The following CLASP2 variants were observed in gnomAD, a reference collection of about 807,000 sequenced individuals.
CLASP2 encodes cytoplasmic linker associated protein 2.
CLASP2 carries 47 observed loss-of-function variants against 194.4 expected under a neutral mutation model. The ratio of observed to expected loss-of-function variants is 0.24; its 90% CI spans 0.19 to 0.31. The LOEUF (loss-of-function observed/expected upper bound fraction) is 0.31. Ranked by LOEUF, CLASP2 falls within the 10% of genes least tolerant of loss-of-function variation. CLASP2 has a pLI of 1.00. For synonymous variants in CLASP2, 619 were observed against 633.5 expected, an observed-to-expected ratio of 0.98 and a Z score of 0.34; for missense variants, 1,445 against 1,823.6, an observed-to-expected ratio of 0.79 and a Z score of 3.78.
chr3:33,570,599 T>G, intron 26 of CLASP2, 128 bp downstream of exon 26: 1 of 1,187,352 alleles, frequency 8.4e-7, no homozygotes, highest in South Asian at 1.4e-5. Context: ...CCAAACAATT[T>G]TAATTATGCT....
chr3:33,510,614 C>A lies in CLASP2; in HGVS notation c.4261G>T (p.Val1421Leu). ...AGCAGGTTTAGGGTTTCCTTGGACA[C>A]TCTCTCTATCACTTTTGTTTGCATT... ...IKMQTKVIER[V>L]SKETLNLLLP... Residue 1421 changes from valine (V) to leucine (L), a missense_variant, in exon 37 of 39, where the codon GTG (valine) becomes TTG (leucine). Around this residue, in one of 4 missense-constraint regions of CLASP2, gnomAD observed 732 missense variants for 987.9 expected, o/e 0.74. Transcript: ENST00000682230. The A allele has an allele frequency of 6.2e-7, 1 of 1,613,916 alleles. No homozygotes were observed.
chr3:33,649,754 A>C (rs2082877269), intron 7 of CLASP2, among the ~76,000 whole-genome samples: 1 of 152,150 alleles, frequency 6.6e-6, no homozygotes, highest in Non-Finnish European at 1.5e-5. Flanking sequence ...AATCATAAGT[A>C]AGATCTTATT....
chr3:33,586,973 T>C (rs909954553), intron 21 of CLASP2, among the ~76,000 whole-genome samples: 1 of 152,158 alleles, frequency 6.6e-6, no homozygotes, highest in Non-Finnish European at 1.5e-5. Flanking sequence ...TCTAGCCACC[T>C]TTGTCTTGAG....
chr3:33,664,800 C>T (rs975038589), intron 6 of CLASP2, among the ~76,000 whole-genome samples: 3 of 152,084 alleles, frequency 2.0e-5, no homozygotes. Flanking sequence ...GAATTGGAGG[C>T]TGGAACCTCA....
intron 6 of CLASP2, among the ~76,000 whole-genome samples, chr3:33,674,863 T>C (rs1266582655): frequency 6.6e-6 from 1 of 152,080 alleles, no homozygotes; most frequent in Non-Finnish European, 1.5e-5. Context: ...CCTGGACACA[T>C]ACACCCTCCC....
At chr3:33,610,962 A>G (rs1434964993) in intron 13 of CLASP2, among the ~76,000 whole-genome samples, 1 of 152,202 alleles carries the variant, frequency 6.6e-6, no homozygotes, top group African/African-American at 2.4e-5. Flanking sequence ...CAAATGTACA[A>G]ATCTTGTTTT....
intron 6 of CLASP2, among the ~76,000 whole-genome samples, chr3:33,675,443 A>T (rs916123109): frequency 6.6e-6 from 1 of 151,180 alleles, no homozygotes; most frequent in Non-Finnish European, 1.5e-5. Flanking sequence ...ATCTCAAAAT[A>T]ATAAGAGCTA....
chr3:33,663,560 T>C lies in CLASP2; in HGVS notation c.645-45A>G, dbSNP rs1277996249. 4 of 1,339,950 alleles carry C rather than the reference T, an allele frequency of 3.0e-6. No homozygotes were observed. The African/African-American group carries it at 4.3e-5, about 15-fold the overall frequency. 83.0% of individuals were successfully genotyped at this position (1,339,950 alleles called of 1,614,324 possible). On this transcript the variant is annotated intron_variant, in intron 6 of 38. Transcript: ENST00000682230. ...TGGGTTTGTTTGATTTTTTAAAACA[T>C]ATAGATTAAATAGAAACAATTTCCT...
intron 6 of CLASP2, among the ~76,000 whole-genome samples, chr3:33,663,835 CATA>C (rs1217299428): frequency 6.6e-6 from 1 of 152,096 alleles, no homozygotes; most frequent in Non-Finnish European, 1.5e-5. Flanking sequence ...GTTTCAACCT[CATA>C]ATAAGTCTAC....
intron 36 of CLASP2, among the ~76,000 whole-genome samples, chr3:33,514,151 C>A (rs147469230): frequency 1.3e-5 from 2 of 152,040 alleles, no homozygotes; most frequent in Middle Eastern, 3.2e-3. Flanking sequence ...TGACACCTGG[C>A]TAATTTTTGT....
At chr3:33,543,901 G>C (rs973863800) in intron 31 of CLASP2, among the ~76,000 whole-genome samples, 1 of 151,986 alleles carries the variant, frequency 6.6e-6, no homozygotes, top group Non-Finnish European at 1.5e-5. Flanking sequence ...TTTACACCAA[G>C]GGAGTTAAAT....
chr3:33,581,166 T>C lies in CLASP2; in HGVS notation c.2347+655A>G, dbSNP rs190843163. On this transcript the variant is annotated intron_variant, in intron 23 of 38. Transcript: ENST00000682230. The stretch of plus-strand genomic sequence containing the variant: ...AAGATTCTCAATGTACATACAAAAC[T>C]GTACCTCTCCAGTTATCCTAATACT... 1.6e-3 allele frequency among the ~76,000 whole-genome samples: 248 copies of C among 152,250 alleles called. 2 individuals are homozygous for C. The highest frequency in any genetic ancestry group is 5.4e-3 in the African/African-American group (225 of 41,562).
At chr3:33,613,067 G>T (rs1454503562) in intron 12 of CLASP2, among the ~76,000 whole-genome samples, 1 of 152,088 alleles carries the variant, frequency 6.6e-6, no homozygotes, top group Non-Finnish European at 1.5e-5. Context: ...AATATTTAAG[G>T]TGATTAATTC....
At chr3:33,601,621 C>T (rs1037288275) in intron 18 of CLASP2, among the ~76,000 whole-genome samples, 5 of 151,908 alleles carry the variant, frequency 3.3e-5, no homozygotes, top group Admixed American at 1.3e-4. Context: ...TATAGGAATT[C>T]CTGTCTCAAC....
At chr3:33,645,926 G>A (rs1265591879) in intron 7 of CLASP2, among the ~76,000 whole-genome samples, 2 of 109,138 alleles carry the variant, frequency 1.8e-5, no homozygotes, top group Non-Finnish European at 3.7e-5. Flanking sequence ...ACATCTCCCA[G>A]CATACACACA....
chr3:33,645,929 TACACACACACACACAC>T (rs60196645), intron 7 of CLASP2, among the ~76,000 whole-genome samples: 23 of 135,202 alleles, frequency 1.7e-4, no homozygotes, highest in South Asian at 1.3e-3. Context: ...TCTCCCAGCA[TACACACACACACACAC>T]ACACACACAC....
At chr3:33,512,557 T>TAAAAA (rs71070140) in intron 36 of CLASP2, among the ~76,000 whole-genome samples, 89 of 12,348 alleles carry the variant, frequency 7.2e-3, no homozygotes, top group African/African-American at 8.5e-3. Flanking sequence ...TAGAGTATAA[T>TAAAAA]AAAAAAAAAA....
intron 38 of CLASP2, among the ~76,000 whole-genome samples, chr3:33,501,347 A>G (rs993270239): frequency 6.6e-6 from 1 of 152,180 alleles, no homozygotes; most frequent in Non-Finnish European, 1.5e-5. Flanking sequence ...TCAGGGGTAA[A>G]GATTTGGGTC....
At chr3:33,572,868 TAA>T (rs2064066314) in intron 25 of CLASP2, among the ~76,000 whole-genome samples, 1 of 151,346 alleles carries the variant, frequency 6.6e-6, no homozygotes, top group Non-Finnish European at 1.5e-5. Context: ...TATGTGTGAA[TAA>T]AAAGTTTCCT....
Sources: allele counts gnomAD v4.1 joint callset (sites outside exome capture counted in the v4.1 genomes callset), GRCh38; gene constraint gnomAD v4.1.1; regional missense constraint gnomAD v4.1.1; transcripts MANE v1.5; gene names NCBI Gene and HGNC (gene_info 2026-07-23, HGNC 2026-07-21).